The following SMYD3 variants were observed in gnomAD, a reference collection of about 807,000 sequenced individuals.
The protein encoded by SMYD3 is histone-lysine N-methyltransferase SMYD3.
In SMYD3, 36 loss-of-function variants were observed where a neutral mutation model predicts 57.7. The observed-to-expected ratio is 0.62, with a 90% CI of 0.48 to 0.82. SMYD3 has a LOEUF of 0.82. SMYD3 is among the 40% of genes least tolerant of loss of function. The pLI is 0.00. For missense variants in SMYD3, 515 were observed against 538.8 expected, an observed-to-expected ratio of 0.96 and a Z score of 0.44; for synonymous variants, 211 against 195.0, an observed-to-expected ratio of 1.08 and a Z score of -0.68.
intron 1 of SMYD3, 48 bp downstream of exon 1, chr1:246,507,006 A>T: frequency 2.0e-6 from 2 of 989,828 alleles, no homozygotes; most frequent in Non-Finnish European, 1.3e-6. Context: ...CCTCCCCAGC[A>T]CCCCACACAG....
chr1:246,002,923 T>G (rs2059104082), intron 5 of SMYD3, among the ~76,000 whole-genome samples: 2 of 152,178 alleles, frequency 1.3e-5, no homozygotes, highest in South Asian at 4.1e-4. Context: ...CCACCTCCTC[T>G]TACAGTAGTT....
At chr1:246,238,119 A>G (rs1251615258) in intron 5 of SMYD3, among the ~76,000 whole-genome samples, 1 of 152,098 alleles carries the variant, frequency 6.6e-6, no homozygotes, top group Non-Finnish European at 1.5e-5. Context: ...GATGAAGTGC[A>G]GTGGCACGAT....
At chr1:246,288,462 C>T (rs2064618309) in intron 5 of SMYD3, among the ~76,000 whole-genome samples, 1 of 152,078 alleles carries the variant, frequency 6.6e-6, no homozygotes, top group African/African-American at 2.4e-5. Context: ...GCAGTGGATC[C>T]TGAGCTTTCC....
intron 5 of SMYD3, among the ~76,000 whole-genome samples, chr1:246,237,672 C>T (rs1438736550): frequency 6.6e-6 from 1 of 152,192 alleles, no homozygotes; most frequent in Non-Finnish European, 1.5e-5. Flanking sequence ...ATGCACAGAA[C>T]TTTAAAAAGC....
At chr1:246,128,685 C>T (rs1473322513) in intron 5 of SMYD3, among the ~76,000 whole-genome samples, 1 of 152,192 alleles carries the variant, frequency 6.6e-6, no homozygotes, top group South Asian at 2.1e-4. Flanking sequence ...GTTCCATACT[C>T]GCCACAACAG....
rs1026946767 is a variant in SMYD3 at position 246,324,650 on chromosome 1, C to G, written c.531+2551G>C. Among the ~76,000 whole-genome samples, 3 of 151,874 alleles carry G rather than the reference C, an allele frequency of 2.0e-5. No individual in the cohort carries two copies. The East Asian group carries it at 5.9e-4, about 30-fold the overall frequency. On this transcript the variant is annotated intron_variant, in intron 5 of 11. Transcript: ENST00000490107. ...GGATAGTTGCATGTTGACCCGCTTTCCACAGCCTAATGAACTGACTTTTGA... is the reference window on the plus strand; with the variant it reads ...GGATAGTTGCATGTTGACCCGCTTTGCACAGCCTAATGAACTGACTTTTGA...
chr1:246,379,457 A>G (rs1387828133), intron 1 of SMYD3, among the ~76,000 whole-genome samples: 1 of 152,202 alleles, frequency 6.6e-6, no homozygotes, highest in Non-Finnish European at 1.5e-5. Flanking sequence ...GCCTTTCTAG[A>G]AAATCAGAAT....
At chr1:245,822,577 C>T (rs770165285) in intron 10 of SMYD3, among the ~76,000 whole-genome samples, 10 of 151,568 alleles carry the variant, frequency 6.6e-5, no homozygotes, top group Non-Finnish European at 1.2e-4. Context: ...AAGCCACCGC[C>T]AGCATGCCTC....
intron 5 of SMYD3, among the ~76,000 whole-genome samples, chr1:246,134,192 T>C (rs989374904): frequency 7.2e-5 from 11 of 152,136 alleles, no homozygotes; most frequent in Non-Finnish European, 1.5e-4. Flanking sequence ...TTCCCACCTT[T>C]TCTTCTAGAA....
At chr1:246,190,631 TC>T (rs564542858) in intron 5 of SMYD3, among the ~76,000 whole-genome samples, 18 of 110,082 alleles carry the variant, frequency 1.6e-4, no homozygotes, top group Non-Finnish European at 2.7e-4. Flanking sequence ...AGTAGGGGAG[TC>T]GCTAAAGCTC....
intron 10 of SMYD3, among the ~76,000 whole-genome samples, chr1:245,774,876 T>C (rs892912275): frequency 2.6e-5 from 4 of 151,578 alleles, no homozygotes; most frequent in East Asian, 1.9e-4. Context: ...GGTTTTCGTA[T>C]TTTTTTGGTG....
chr1:245,850,578 C>T (rs2050916781), intron 10 of SMYD3, among the ~76,000 whole-genome samples: 1 of 151,908 alleles, frequency 6.6e-6, no homozygotes, highest in Non-Finnish European at 1.5e-5. Context: ...TGCCTGTGGT[C>T]CCCCCTCATC....
intron 1 of SMYD3, among the ~76,000 whole-genome samples, chr1:246,472,200 T>A (rs1300242129): frequency 6.6e-6 from 1 of 152,000 alleles, no homozygotes; most frequent in Non-Finnish European, 1.5e-5. Context: ...CTAGCACCCA[T>A]ACAGAACGTG....
chr1:245,940,565 A>AAAAAC (rs58286168), intron 5 of SMYD3, among the ~76,000 whole-genome samples: 91,849 of 149,076 alleles, frequency 0.62, 33,890 homozygotes, highest in Non-Finnish European at 0.82. Context: ...TGACTGTTAA[A>AAAAAC]AAAACAAAAC....
chr1:245,860,734 G>A (rs57136824), intron 9 of SMYD3, among the ~76,000 whole-genome samples: 8,770 of 152,280 alleles, frequency 0.058, 847 homozygotes, highest in African/African-American at 0.2. Flanking sequence ...CTAGAGGTTG[G>A]GGGAAGCAGT....
intron 5 of SMYD3, among the ~76,000 whole-genome samples, chr1:246,105,890 A>G (rs557079616): frequency 3.9e-5 from 6 of 152,200 alleles, no homozygotes; most frequent in Non-Finnish European, 8.8e-5. Context: ...CTGCTAATCA[A>G]ACTTGTTTGG....
chr1:245,985,792 G>T (rs913545061), intron 5 of SMYD3, among the ~76,000 whole-genome samples: 4 of 152,068 alleles, frequency 2.6e-5, no homozygotes, highest in African/African-American at 7.2e-5. Flanking sequence ...CCTCTGCTTG[G>T]AAAATTATTA....
At chr1:246,340,984 G>A (rs961660704) in intron 2 of SMYD3, among the ~76,000 whole-genome samples, 5 of 151,342 alleles carry the variant, frequency 3.3e-5, no homozygotes, top group African/African-American at 1.2e-4. Flanking sequence ...TGAGACCCCA[G>A]GTCTCAGGGG....
intron 5 of SMYD3, among the ~76,000 whole-genome samples, chr1:246,239,973 ATAGTT>A (rs1348211402): frequency 2.0e-5 from 3 of 151,894 alleles, no homozygotes; most frequent in Non-Finnish European, 4.4e-5. Flanking sequence ...TAAGTTCTTT[ATAGTT>A]TCTGGATATC....
Sources: gnomAD v4.1 joint callset for allele counts (sites outside exome capture counted in the v4.1 genomes callset) on GRCh38, gnomAD v4.1.1 for gene constraint, MANE v1.5 for transcripts, NCBI Gene and HGNC (gene_info 2026-07-23, HGNC 2026-07-21) for gene names.